Variants in CHRM3 observed in about 807,000 individuals in gnomAD.
CHRM3 encodes muscarinic acetylcholine receptor M3.
In CHRM3, 11 loss-of-function variants were observed where a neutral mutation model predicts 41.8. The observed-to-expected ratio is 0.26, with a 90% CI of 0.17 to 0.44. CHRM3 has a LOEUF of 0.44. Ranked by LOEUF, CHRM3 falls within the 20% of genes least tolerant of loss-of-function variation. The pLI is 1.00. For synonymous variants in CHRM3, 297 were observed against 301.4 expected (o/e 0.99, Z 0.15); for missense variants, 571 against 745.4 (o/e 0.77, Z 2.72).
intron 1 of CHRM3, among the ~76,000 whole-genome samples, chr1:239,404,099 TAACACAGTGA>T (rs551045923): frequency 8.9e-4 from 132 of 149,128 alleles, no homozygotes; most frequent in Non-Finnish European, 1.4e-3. Context: ...CCATCCTGGC[TAACACAGTGA>T]AACCCCGTCT....
chr1:239,721,811 A>G (rs879650797), intron 5 of CHRM3, among the ~76,000 whole-genome samples: 4 of 151,912 alleles, frequency 2.6e-5, no homozygotes, highest in Non-Finnish European at 5.9e-5. Flanking sequence ...CACTCATGAA[A>G]CAATTGGAGA....
chr1:239,599,068 GAC>G (rs1264800011), intron 3 of CHRM3, among the ~76,000 whole-genome samples: 1 of 152,084 alleles, frequency 6.6e-6, no homozygotes, highest in South Asian at 2.1e-4. Context: ...TTCCGTTGTA[GAC>G]ACTGCTCCAT....
At chr1:239,461,895 C>T (rs1665388511) in intron 1 of CHRM3, among the ~76,000 whole-genome samples, 1 of 152,076 alleles carries the variant, frequency 6.6e-6, no homozygotes, top group Non-Finnish European at 1.5e-5. Context: ...CTCTCTTTCC[C>T]CTCAGCATTC....
intron 5 of CHRM3, among the ~76,000 whole-genome samples, chr1:239,702,050 G>T (rs1322097403): frequency 2.6e-5 from 4 of 152,174 alleles, no homozygotes; most frequent in African/African-American, 7.2e-5. Context: ...CTTCTGGGCT[G>T]CAGGGAAGTT....
intron 6 of CHRM3, among the ~76,000 whole-genome samples, chr1:239,893,599 T>G (rs1300756825): frequency 1.3e-5 from 2 of 152,116 alleles, no homozygotes; most frequent in African/African-American, 2.4e-5. Context: ...AGTCACTACA[T>G]GCATTTCACT....
At chr1:239,594,732 T>G (rs1664592879) in intron 3 of CHRM3, among the ~76,000 whole-genome samples, 1 of 152,102 alleles carries the variant, frequency 6.6e-6, no homozygotes, top group African/African-American at 2.4e-5. Context: ...TTAAGAAAGG[T>G]AATATAGTAG....
chr1:239,577,131 T>A (rs569295173), intron 3 of CHRM3, among the ~76,000 whole-genome samples: 4 of 152,290 alleles, frequency 2.6e-5, no homozygotes, highest in Admixed American at 2.6e-4. Context: ...TCCAGAAGCT[T>A]CTAATAGATT....
chr1:239,633,117 C>T (rs573774458), intron 4 of CHRM3, among the ~76,000 whole-genome samples: 1 of 152,258 alleles, frequency 6.6e-6, no homozygotes, highest in Admixed American at 6.5e-5. Context: ...GGACTACAAG[C>T]GCTGCCACCA....
chr1:239,602,880 T>G (rs1665778675), intron 3 of CHRM3, among the ~76,000 whole-genome samples: 1 of 152,176 alleles, frequency 6.6e-6, no homozygotes, highest in Non-Finnish European at 1.5e-5. Flanking sequence ...ACATTGTTGT[T>G]GTATAGCAGT....
intron 6 of CHRM3, among the ~76,000 whole-genome samples, chr1:239,851,443 A>G (rs193296939): frequency 4.7e-4 from 71 of 152,258 alleles, no homozygotes; most frequent in African/African-American, 1.5e-3. Context: ...AGCAGGCAAA[A>G]CCCTAAAAAG....
At chr1:239,731,659 T>C (rs2148425184) in intron 5 of CHRM3, among the ~76,000 whole-genome samples, 1 of 152,096 alleles carries the variant, frequency 6.6e-6, no homozygotes, top group East Asian at 1.9e-4. Flanking sequence ...CTGTGAACAC[T>C]TTCTAGTACA....
chr1:239,523,613 A>C (rs1669798861), intron 2 of CHRM3, among the ~76,000 whole-genome samples: 2 of 152,170 alleles, frequency 1.3e-5, no homozygotes, highest in African/African-American at 4.8e-5. Flanking sequence ...TTGTTGTCAT[A>C]TTAATTCTGA....
At chr1:239,589,356 C>T (rs1357838062) in intron 3 of CHRM3, among the ~76,000 whole-genome samples, 1 of 151,726 alleles carries the variant, frequency 6.6e-6, no homozygotes, top group Non-Finnish European at 1.5e-5. Flanking sequence ...AAAATAGCTT[C>T]CTACCTGTGT....
intron 1 of CHRM3, among the ~76,000 whole-genome samples, chr1:239,439,946 TC>T (rs1225443041): frequency 2.0e-5 from 3 of 152,114 alleles, no homozygotes; most frequent in Admixed American, 1.3e-4. Flanking sequence ...ATGCCTGTAA[TC>T]CCAGCACTTT....
intron 5 of CHRM3, among the ~76,000 whole-genome samples, chr1:239,798,247 T>G (rs1307595565): frequency 6.6e-6 from 1 of 152,196 alleles, no homozygotes; most frequent in Non-Finnish European, 1.5e-5. Context: ...GTTAATCAGC[T>G]GTTTGTTACC....
At chr1:239,702,034 C>T (rs1050262090) in intron 5 of CHRM3, among the ~76,000 whole-genome samples, 2 of 152,042 alleles carry the variant, frequency 1.3e-5, no homozygotes, top group Non-Finnish European at 2.9e-5. Context: ...TCATGTCAAG[C>T]TTCTTCTTCT....
intron 1 of CHRM3, among the ~76,000 whole-genome samples, chr1:239,398,194 T>A (rs969100670): frequency 6.6e-6 from 1 of 152,108 alleles, no homozygotes; most frequent in African/African-American, 2.4e-5. Context: ...TTTGAATCAA[T>A]AGGAGACTTT....
chr1:239,795,897 A>G (rs564470273), intron 5 of CHRM3, among the ~76,000 whole-genome samples: 8 of 152,344 alleles, frequency 5.3e-5, no homozygotes, highest in African/African-American at 1.9e-4. Flanking sequence ...TGAGCTTAGT[A>G]TAAATAAACT....
At chr1:239,493,413 G>T (rs765693903) in intron 2 of CHRM3, among the ~76,000 whole-genome samples, 26 of 152,046 alleles carry the variant, frequency 1.7e-4, no homozygotes, top group Admixed American at 5.9e-4. Flanking sequence ...TCTATCAGAT[G>T]AATTTTTCTA....
Sources: allele counts gnomAD v4.1 joint callset (sites outside exome capture counted in the v4.1 genomes callset), GRCh38; gene constraint gnomAD v4.1.1; transcripts MANE v1.5; gene names NCBI Gene and HGNC (gene_info 2026-07-23, HGNC 2026-07-21).